Variants in FSTL5 observed in about 807,000 individuals in gnomAD.
FSTL5 encodes follistatin like 5, also known as follistatin-related protein 5.
Under a neutral mutation model 89.1 loss-of-function variants are expected in FSTL5, and 62 were observed. That is an observed-to-expected ratio of 0.70 (90% CI 0.57 to 0.86). The LOEUF (loss-of-function observed/expected upper bound fraction) is 0.86, where lower values mean the gene tolerates loss of function less well. Ranked by LOEUF, FSTL5 falls within the 40% of genes least tolerant of loss-of-function variation. The pLI is 0.00. For missense variants in FSTL5, 1,057 were observed against 1,001.6 expected (o/e 1.06, Z -0.75); for synonymous variants, 383 against 346.2 (o/e 1.11, Z -1.18).
At chr4:161,476,054 C>T (rs1425160676) in intron 13 of FSTL5, among the ~76,000 whole-genome samples, 3 of 150,692 alleles carry the variant, frequency 2.0e-5, no homozygotes, top group South Asian at 4.2e-4. Flanking sequence ...CTTTAAATGA[C>T]CATACTTTCC....
intron 4 of FSTL5, among the ~76,000 whole-genome samples, chr4:161,798,494 T>C (rs987656465): frequency 1.3e-5 from 2 of 151,550 alleles, no homozygotes; most frequent in African/African-American, 2.4e-5. Context: ...TTAAAGTATT[T>C]AGTATTCATG....
At chr4:161,480,167 G>T (rs925006746) in intron 13 of FSTL5, among the ~76,000 whole-genome samples, 1 of 152,106 alleles carries the variant, frequency 6.6e-6, no homozygotes. Context: ...GATAGGAAAC[G>T]GGCATATAGC....
At chr4:161,410,893 A>T (rs2110934943) in intron 15 of FSTL5, among the ~76,000 whole-genome samples, 1 of 151,966 alleles carries the variant, frequency 6.6e-6, no homozygotes, top group African/African-American at 2.4e-5. Context: ...GAAGAACTTA[A>T]TGAAATTGAA....
intron 2 of FSTL5, among the ~76,000 whole-genome samples, chr4:162,088,439 CTT>C (rs983784961): frequency 6.6e-6 from 1 of 151,978 alleles, no homozygotes; most frequent in Admixed American, 6.6e-5. Flanking sequence ...GAGCCATTGA[CTT>C]AGGATCAGAA....
chr4:161,561,602 G>A (rs897210405), intron 8 of FSTL5, among the ~76,000 whole-genome samples: 5 of 151,762 alleles, frequency 3.3e-5, no homozygotes, highest in Admixed American at 2.6e-4. Context: ...GGAATTTAAT[G>A]GGGTAAAAAT....
At chr4:161,996,554 C>T (rs1211278932) in intron 3 of FSTL5, among the ~76,000 whole-genome samples, 1 of 152,204 alleles carries the variant, frequency 6.6e-6, no homozygotes, top group Non-Finnish European at 1.5e-5. Flanking sequence ...AATCCATGCT[C>T]TATATTGTGG....
intron 4 of FSTL5, among the ~76,000 whole-genome samples, chr4:161,855,446 A>C (rs1183228890): frequency 6.6e-6 from 1 of 152,136 alleles, no homozygotes; most frequent in African/African-American, 2.4e-5. Flanking sequence ...CAATCAGAAT[A>C]CTAAATAATA....
At chr4:161,636,007 T>A (rs1735678197) in intron 7 of FSTL5, among the ~76,000 whole-genome samples, 1 of 152,256 alleles carries the variant, frequency 6.6e-6, no homozygotes, top group Non-Finnish European at 1.5e-5. Context: ...TTTTGTTCCC[T>A]TGTGTAATTT....
At chr4:161,542,453 T>C (rs1223719802) in intron 9 of FSTL5, 79 bp downstream of exon 9, 1 of 994,080 alleles carries the variant, frequency 1.0e-6, no homozygotes. Flanking sequence ...TTTTCTTTTA[T>C]TTTCCAAAGA....
At chr4:162,008,778 T>C (rs916873415) in intron 3 of FSTL5, among the ~76,000 whole-genome samples, 6 of 152,068 alleles carry the variant, frequency 3.9e-5, no homozygotes, top group Admixed American at 6.6e-5. Context: ...ATATTTACTA[T>C]GAAGGATGAT....
In FSTL5 at chr4:161,661,220, C is replaced by T. The variant is rs184346059; in HGVS notation, c.728-4726G>A. ...CATAAGAAGAGCAAGCTTTTCATAACCAAGATTCTGCTTTTCTAAATATCG... is the reference window on the plus strand; with the variant it reads ...CATAAGAAGAGCAAGCTTTTCATAATCAAGATTCTGCTTTTCTAAATATCG... On this transcript the variant is annotated intron_variant, in intron 6 of 15. Coordinates refer to ENST00000306100, the MANE Select transcript of FSTL5 (RefSeq NM_020116.5). Among the ~76,000 whole-genome samples the T allele has an allele frequency of 6.0e-3, 917 of 152,236 alleles. 9 individuals are homozygous for T. The highest frequency in any genetic ancestry group is 0.046 in the South Asian group (220 of 4,828).
chr4:161,856,266 T>A (rs1237141782), intron 4 of FSTL5, among the ~76,000 whole-genome samples: 2 of 152,042 alleles, frequency 1.3e-5, no homozygotes, highest in African/African-American at 4.8e-5. Flanking sequence ...AGAAACAGCA[T>A]GAGAAAAGGC....
At chr4:161,800,521 A>G (rs186894462) in intron 4 of FSTL5, among the ~76,000 whole-genome samples, 227 of 151,790 alleles carry the variant, frequency 1.5e-3, no homozygotes, top group African/African-American at 5.3e-3. Context: ...AAGCTGGCAG[A>G]TGGAAATGAA....
At chr4:161,864,513 G>A (rs1465749028) in intron 4 of FSTL5, among the ~76,000 whole-genome samples, 3 of 152,156 alleles carry the variant, frequency 2.0e-5, no homozygotes, top group South Asian at 2.1e-4. Context: ...TTAATGTGAG[G>A]AGCCAAGCTA....
chr4:162,048,115 T>G (rs1738256701), intron 2 of FSTL5, among the ~76,000 whole-genome samples: 1 of 151,888 alleles, frequency 6.6e-6, no homozygotes, highest in African/African-American at 2.4e-5. Flanking sequence ...TCACTTGGGG[T>G]CAGGAGATGG....
At chr4:161,895,977 CA>C (rs1201125993) in intron 4 of FSTL5, among the ~76,000 whole-genome samples, 1 of 152,034 alleles carries the variant, frequency 6.6e-6, no homozygotes, top group African/African-American at 2.4e-5. Context: ...TGGGCTTTAC[CA>C]AAGTCACAGG....
At chr4:161,712,603 A>G (rs776222646) in intron 6 of FSTL5, among the ~76,000 whole-genome samples, 184 of 152,262 alleles carry the variant, frequency 1.2e-3, no homozygotes, top group Admixed American at 2.6e-3. Context: ...ATGGTTGCTG[A>G]GATGGTTTTG....
intron 4 of FSTL5, among the ~76,000 whole-genome samples, chr4:161,898,630 C>CTTTT (rs773799106): frequency 6.2e-5 from 8 of 128,266 alleles, no homozygotes; most frequent in African/African-American, 1.5e-4. Flanking sequence ...GTATTATATT[C>CTTTT]TTTTTTTTTT....
chr4:161,682,083 T>C (rs147154662), intron 6 of FSTL5, among the ~76,000 whole-genome samples: 34 of 152,264 alleles, frequency 2.2e-4, no homozygotes, highest in African/African-American at 8.2e-4. Flanking sequence ...CATTTGTGTA[T>C]CTAAATATTT....
Sources: allele counts gnomAD v4.1 joint callset (sites outside exome capture counted in the v4.1 genomes callset), GRCh38; gene constraint gnomAD v4.1.1; transcripts MANE v1.5; gene names NCBI Gene and HGNC (gene_info 2026-07-23, HGNC 2026-07-21).